Variants in UGT2B7 observed in about 807,000 individuals in gnomAD.
UGT2B7 encodes the protein UDP-glucuronosyltransferase 2B7.
A neutral mutation model predicts 51.9 loss-of-function variants in UGT2B7; 51 were observed. The observed-to-expected ratio is 0.98, with a 90% confidence interval of 0.78 to 1.24. The LOEUF is 1.24. UGT2B7 is among the 50% of genes most tolerant of loss of function. The pLI is 0.00. For missense variants in UGT2B7, 727 were observed against 628.4 expected, an observed-to-expected ratio of 1.16 and a Z score of -1.68; for synonymous variants, 225 against 211.6, an observed-to-expected ratio of 1.06 and a Z score of -0.55.
At chr4:69,094,129 CTTTTTTT>C (rs71204074), upstream of UGT2B7, among the ~76,000 whole-genome samples, 2 of 54,090 alleles carry the variant, frequency 3.7e-5, no homozygotes, top group Non-Finnish European at 6.2e-5. Flanking sequence ...GTTTTGGTTT[CTTTTTTT>C]TTTTTTTTTT....
upstream of UGT2B7, among the ~76,000 whole-genome samples, chr4:69,095,483 G>A (rs1719198620): frequency 6.6e-6 from 1 of 152,128 alleles, no homozygotes; most frequent in African/African-American, 2.4e-5. Context: ...TGGACCTGAA[G>A]GAATACCTCA....
rs1424717351 is a variant in UGT2B7 at position 69,096,865 on chromosome 4, C to T, written c.345C>T (p.Ile115=). ...FWLYFSQVQE[I]MSIFGDITRK... ...TATATTTTTCACAAGTACAGGAAAT[C>T]ATGTCAATATTTGGTGACATAACTA... The change falls in exon 1 of 6, where the codon ATC becomes ATT. Residue 115 remains isoleucine (I), a synonymous_variant. Coordinates refer to ENST00000305231, the MANE Select transcript of UGT2B7 (RefSeq NM_001074.4). The T allele has an allele frequency of 3.1e-6, 5 of 1,613,380 alleles. No individual in the cohort carries two copies. In the South Asian group the frequency reaches 3.3e-5, roughly 11 times the overall value.
At chr4:69,062,209 T>C (rs1322808613) in intron 1 of UGT2B7, among the ~76,000 whole-genome samples, 1 of 152,164 alleles carries the variant, frequency 6.6e-6, no homozygotes, top group Non-Finnish European at 1.5e-5. Context: ...CCCATGGTCT[T>C]TCTCCAAGTC....
intron 3 of UGT2B7, among the ~76,000 whole-genome samples, chr4:69,105,447 T>C (rs1419089724): frequency 6.6e-6 from 1 of 152,182 alleles, no homozygotes; most frequent in Non-Finnish European, 1.5e-5. Flanking sequence ...TATTGTTTAG[T>C]TTATGAGGAT....
At chr4:69,068,809 G>T (rs1023554964) in intron 1 of UGT2B7, among the ~76,000 whole-genome samples, 1 of 151,896 alleles carries the variant, frequency 6.6e-6, no homozygotes, top group African/African-American at 2.4e-5. Flanking sequence ...TGGTAAGCGA[G>T]ATACTTATAT....
intron 3 of UGT2B7, among the ~76,000 whole-genome samples, chr4:69,106,748 A>C (rs1719612267): frequency 6.6e-6 from 1 of 151,956 alleles, no homozygotes; most frequent in Admixed American, 6.6e-5. Flanking sequence ...ATACTACCTC[A>C]CCAGTATCAT....
upstream of UGT2B7, among the ~76,000 whole-genome samples, chr4:69,094,446 C>G (rs200486722): frequency 3.4e-5 from 1 of 29,158 alleles, no homozygotes; most frequent in Non-Finnish European, 5.2e-5. Flanking sequence ...CCGCGCCCGG[C>G]CGGTTTCTAA....
intron 1 of UGT2B7, among the ~76,000 whole-genome samples, chr4:69,056,011 C>T (rs1435685572): frequency 3.3e-5 from 5 of 152,178 alleles, no homozygotes; most frequent in Admixed American, 2.6e-4. Context: ...ATGGTCCCCA[C>T]CAGGTTATAC....
rs548619217 is a variant in UGT2B7, at chr4:69,098,831, C to A, written c.870+143C>A. The A allele has an allele frequency of 9.9e-5, 137 of 1,386,216 alleles. 1 individual carries two copies. The highest frequency in any genetic ancestry group is 1.3e-4 in the Non-Finnish European group (130 of 1,021,418). The allele number at this position is 1,386,216 out of a possible 1,614,324, so 85.9% of individuals were successfully genotyped here. The stretch of plus-strand genomic sequence containing the variant: ...GTAAAGCAGATACCAATTAGAAACT[C>A]ATGTGCACGTTAATACCATCACACG... On this transcript the variant is annotated intron_variant, in intron 2 of 5. Coordinates refer to ENST00000305231, the MANE Select transcript of UGT2B7 (RefSeq NM_001074.4).
chr4:69,084,701 A>G (rs1242991660), intron 1 of UGT2B7, among the ~76,000 whole-genome samples: 1 of 152,158 alleles, frequency 6.6e-6, no homozygotes, highest in African/African-American at 2.4e-5. Flanking sequence ...TGCACTTAGC[A>G]GTGAAAACAT....
At chr4:69,055,246 G>C (rs1718157753) in intron 1 of UGT2B7, among the ~76,000 whole-genome samples, 1 of 149,036 alleles carries the variant, frequency 6.7e-6, no homozygotes, top group Non-Finnish European at 1.5e-5. Flanking sequence ...AAAAAAATAA[G>C]TATATCTGTC....
chr4:69,053,039 T>TA (rs1718079615), intron 1 of UGT2B7, among the ~76,000 whole-genome samples: 2 of 152,266 alleles, frequency 1.3e-5, no homozygotes, highest in South Asian at 4.1e-4. Context: ...GACATAAAAG[T>TA]AAAAATGCAA....
chr4:69,061,130 C>T (rs1242427875), intron 1 of UGT2B7, among the ~76,000 whole-genome samples: 4 of 152,174 alleles, frequency 2.6e-5, no homozygotes, highest in Non-Finnish European at 5.9e-5. Context: ...GGAACTGCCT[C>T]TCAGAAAGCA....
chr4:69,089,902 C>T (rs1193869474), intron 2 of UGT2B7, among the ~76,000 whole-genome samples: 1 of 152,064 alleles, frequency 6.6e-6, no homozygotes, highest in Non-Finnish European at 1.5e-5. Flanking sequence ...GTGCTGACTA[C>T]TCAAAAACAA....
intron 1 of UGT2B7, among the ~76,000 whole-genome samples, chr4:69,073,629 A>T (rs1329341954): frequency 2.0e-5 from 3 of 152,330 alleles, no homozygotes; most frequent in Non-Finnish European, 4.4e-5. Flanking sequence ...AGGTTGCAAG[A>T]GTTAAGTCAG....
At chr4:69,076,315 G>C (rs563793167) in intron 1 of UGT2B7, among the ~76,000 whole-genome samples, 1 of 152,296 alleles carries the variant, frequency 6.6e-6, no homozygotes, top group South Asian at 2.1e-4. Context: ...GGAATGCTGA[G>C]TCAAATGGTA....
chr4:69,108,586 C>A (rs1466047851), intron 5 of UGT2B7, among the ~76,000 whole-genome samples: 1 of 151,866 alleles, frequency 6.6e-6, no homozygotes, highest in Non-Finnish European at 1.5e-5. Context: ...AAATACATTT[C>A]TTAAAAATTT....
At chr4:69,063,830 C>T (rs1452553622) in intron 1 of UGT2B7, among the ~76,000 whole-genome samples, 2 of 151,928 alleles carry the variant, frequency 1.3e-5, no homozygotes, top group African/African-American at 2.4e-5. Flanking sequence ...CTTAGGCCTC[C>T]TCATCAGAAA....
chr4:69,069,839 T>C (rs1718563121), intron 1 of UGT2B7: 1 of 152,150 alleles, frequency 6.6e-6, no homozygotes, highest in Non-Finnish European at 1.5e-5. Flanking sequence ...CATAATATGT[T>C]GCTTGATTAT....
Sources: allele counts gnomAD v4.1 joint callset (sites outside exome capture counted in the v4.1 genomes callset), GRCh38; gene constraint gnomAD v4.1.1; transcripts MANE v1.5; gene names NCBI Gene and HGNC (gene_info 2026-07-23, HGNC 2026-07-21).